TMEM132D: variants seen among roughly 807,000 people sequenced by gnomAD.
TMEM132D encodes mature OL transmembrane protein.
In TMEM132D, 21 loss-of-function variants were observed where a neutral mutation model predicts 62.3. That is an observed-to-expected ratio of 0.34 (90% CI 0.24 to 0.49). TMEM132D has a LOEUF of 0.49. Ranked by LOEUF, TMEM132D falls within the 20% of genes least tolerant of loss-of-function variation. The probability of loss-of-function intolerance (pLI) is 0.99; values close to 1 mark genes in which losing one functional copy is unlikely to be tolerated. For synonymous variants in TMEM132D, 621 were observed against 575.6 expected (o/e 1.08, Z -1.13); for missense variants, 1,346 against 1,402.8 (o/e 0.96, Z 0.65).
At chr12:129,506,211 C>T (rs1163783115) in intron 3 of TMEM132D, among the ~76,000 whole-genome samples, 1 of 152,102 alleles carries the variant, frequency 6.6e-6, no homozygotes. Context: ...TCTTGTAGTG[C>T]TGGTTTGGTC....
intron 3 of TMEM132D, among the ~76,000 whole-genome samples, chr12:129,498,133 G>A (rs1875016578): frequency 6.6e-6 from 1 of 152,150 alleles, no homozygotes. Flanking sequence ...TACATAGGAA[G>A]CTTTAATAAT....
intron 1 of TMEM132D, among the ~76,000 whole-genome samples, chr12:129,796,053 G>A (rs1033955890): frequency 7.2e-5 from 11 of 151,994 alleles, no homozygotes; most frequent in Non-Finnish European, 1.3e-4. Flanking sequence ...AATTAAAGAG[G>A]GCCAGGTGCG....
chr12:129,513,804 T>TTTTTATTTA (rs1555262101), intron 3 of TMEM132D, among the ~76,000 whole-genome samples: 11 of 133,992 alleles, frequency 8.2e-5, no homozygotes, highest in African/African-American at 2.8e-4. Context: ...CAATTTTTAT[T>TTTTTATTTA]TTTATTTATT....
chr12:129,612,570 C>T (rs1028139946), intron 2 of TMEM132D, among the ~76,000 whole-genome samples: 12 of 152,026 alleles, frequency 7.9e-5, no homozygotes, highest in Admixed American at 2.6e-4. Context: ...ACCTTAAAAA[C>T]GTATTTGCTT....
chr12:129,799,646 CGCA>C (rs1871698369), intron 1 of TMEM132D, among the ~76,000 whole-genome samples: 1 of 152,036 alleles, frequency 6.6e-6, no homozygotes, highest in Non-Finnish European at 1.5e-5. Flanking sequence ...CTCACACTTG[CGCA>C]CTTCACTTAT....
chr12:129,547,295 T>C (rs879642141), intron 2 of TMEM132D, among the ~76,000 whole-genome samples: 5 of 152,110 alleles, frequency 3.3e-5, no homozygotes, highest in Non-Finnish European at 4.4e-5. Context: ...CTGGAGTGAA[T>C]TGGTTCAATC....
At chr12:129,523,455 G>A (rs150460221) in intron 3 of TMEM132D, among the ~76,000 whole-genome samples, 3 of 152,122 alleles carry the variant, frequency 2.0e-5, no homozygotes, top group East Asian at 1.9e-4. Flanking sequence ...TATGCCACAC[G>A]CATGACTCTT....
At chr12:129,895,634 C>T (rs1045095863) in intron 1 of TMEM132D, among the ~76,000 whole-genome samples, 2 of 152,200 alleles carry the variant, frequency 1.3e-5, no homozygotes, top group Non-Finnish European at 2.9e-5. Context: ...CTCATACGAA[C>T]ATTCCTTCTG....
At chr12:129,798,865 T>G (rs1488604960) in intron 1 of TMEM132D, among the ~76,000 whole-genome samples, 1 of 152,232 alleles carries the variant, frequency 6.6e-6, no homozygotes, top group African/African-American at 2.4e-5. Flanking sequence ...AGCTGACATC[T>G]GAAGGCCAAA....
At chr12:129,075,686 G>C (rs1407750454) in intron 8 of TMEM132D, among the ~76,000 whole-genome samples, 1 of 152,186 alleles carries the variant, frequency 6.6e-6, no homozygotes, top group Non-Finnish European at 1.5e-5. Flanking sequence ...GCAGGAGAGG[G>C]AGAAGCATCT....
intron 5 of TMEM132D, among the ~76,000 whole-genome samples, chr12:129,141,887 TAA>T (rs1369525224): frequency 6.6e-6 from 1 of 151,390 alleles, no homozygotes; most frequent in Admixed American, 6.6e-5. Flanking sequence ...ACACATGCAA[TAA>T]ACCTGCACAT....
chr12:129,762,424 C>T (rs1239139784), intron 1 of TMEM132D, among the ~76,000 whole-genome samples: 3 of 151,926 alleles, frequency 2.0e-5, no homozygotes, highest in East Asian at 3.9e-4. Flanking sequence ...ACACTATTAC[C>T]GCAGCGAGCC....
intron 4 of TMEM132D, among the ~76,000 whole-genome samples, chr12:129,290,080 C>T (rs928382731): frequency 2.0e-5 from 3 of 152,146 alleles, no homozygotes; most frequent in Non-Finnish European, 4.4e-5. Flanking sequence ...GGTTGTGTAA[C>T]ATGTTAACAT....
intron 1 of TMEM132D, among the ~76,000 whole-genome samples, chr12:129,741,865 C>A (rs1435609345): frequency 6.6e-6 from 1 of 152,184 alleles, no homozygotes; most frequent in Non-Finnish European, 1.5e-5. Flanking sequence ...GATACACCAA[C>A]TAGGGAGTCT....
At chr12:129,532,969 A>G (rs1181769945) in intron 2 of TMEM132D, among the ~76,000 whole-genome samples, 1 of 152,108 alleles carries the variant, frequency 6.6e-6, no homozygotes, top group Non-Finnish European at 1.5e-5. Flanking sequence ...TGGCGAATAC[A>G]TCGGAGCAGT....
At chr12:129,253,461 T>C (rs1880322122) in intron 4 of TMEM132D, among the ~76,000 whole-genome samples, 1 of 152,172 alleles carries the variant, frequency 6.6e-6, no homozygotes, top group Non-Finnish European at 1.5e-5. Flanking sequence ...CTGAGGTTAA[T>C]TTCCAGCCAA....
chr12:129,895,832 T>C (rs1772729121), intron 1 of TMEM132D, among the ~76,000 whole-genome samples: 3 of 151,882 alleles, frequency 2.0e-5, no homozygotes, highest in African/African-American at 7.3e-5. Flanking sequence ...AAAAAAAAAT[T>C]ACTTGGTGAA....
chr12:129,756,057 T>C (rs747666200), intron 1 of TMEM132D, among the ~76,000 whole-genome samples: 1 of 152,158 alleles, frequency 6.6e-6, no homozygotes, highest in Non-Finnish European at 1.5e-5. Flanking sequence ...ATTCTTTTCA[T>C]AGGAGGTCTC....
intron 1 of TMEM132D, chr12:129,840,510 A>G (rs1447865373): frequency 1.3e-5 from 2 of 152,276 alleles, no homozygotes; most frequent in African/African-American, 4.8e-5. Context: ...TTATAATTAG[A>G]GAAAAATAAA....
Sources: gnomAD v4.1 joint callset for allele counts (sites outside exome capture counted in the v4.1 genomes callset) on GRCh38, gnomAD v4.1.1 for gene constraint, MANE v1.5 for transcripts, NCBI Gene and HGNC (gene_info 2026-07-23, HGNC 2026-07-21) for gene names.